Variants in TMEM163 observed in about 807,000 individuals in gnomAD.
TMEM163 encodes the protein transmembrane protein 163.
A neutral mutation model predicts 29.3 loss-of-function variants in TMEM163; 17 were observed. That is an observed-to-expected ratio of 0.58 (90% CI 0.40 to 0.87). TMEM163 has a LOEUF of 0.87. Ranked by LOEUF, TMEM163 falls within the 40% of genes least tolerant of loss-of-function variation. The pLI, the probability that TMEM163 is intolerant of heterozygous loss-of-function variation, is 0.00. For missense variants in TMEM163, 303 were observed against 381.5 expected, an observed-to-expected ratio of 0.79 and a Z score of 1.71; for synonymous variants, 157 against 160.6, an observed-to-expected ratio of 0.98 and a Z score of 0.17.
At chr2:134,702,735 CA>C (rs1684730652) in intron 2 of TMEM163, among the ~76,000 whole-genome samples, 2 of 151,896 alleles carry the variant, frequency 1.3e-5, no homozygotes, top group Admixed American at 1.3e-4. Context: ...TAAAGAAATA[CA>C]CTCAGACAAT....
rs187146235 is a variant in TMEM163 at position 134,703,335 on chromosome 2, G to A, written c.322+9865C>T. ...AGGTTTCTTCAGGAAGAAACCAATA[G>A]AATTACCTCTGCATCTGAAAATATC... On this transcript the variant is annotated intron_variant, in intron 2 of 7. Coordinates refer to ENST00000281924, the MANE Select transcript of TMEM163 (RefSeq NM_030923.5). 1.5e-3 allele frequency among the ~76,000 whole-genome samples: 234 copies of A among 152,232 alleles called. 4 individuals carry two copies. In the East Asian group the frequency reaches 0.037, roughly 24 times the overall value.
At chr2:134,583,830 T>C (rs1013426574) in intron 2 of TMEM163, among the ~76,000 whole-genome samples, 9 of 152,028 alleles carry the variant, frequency 5.9e-5, no homozygotes, top group Admixed American at 4.6e-4. Flanking sequence ...CCTCAATCCC[T>C]CCCATCTTTG....
chr2:134,672,827 T>G (rs1474000604), intron 2 of TMEM163, among the ~76,000 whole-genome samples: 2 of 152,040 alleles, frequency 1.3e-5, no homozygotes, highest in African/African-American at 4.8e-5. Context: ...ATCATCCAAG[T>G]TCCATCAATT....
chr2:134,689,276 G>T (rs1657440370), intron 2 of TMEM163, among the ~76,000 whole-genome samples: 1 of 151,654 alleles, frequency 6.6e-6, no homozygotes, highest in Non-Finnish European at 1.5e-5. Flanking sequence ...GCCTGGCTAA[G>T]TTTGTATTTT....
intron 2 of TMEM163, among the ~76,000 whole-genome samples, chr2:134,624,126 A>G (rs753522803): frequency 1.1e-4 from 17 of 152,240 alleles, no homozygotes; most frequent in Admixed American, 2.0e-4. Context: ...CCTCCCAGGC[A>G]TCACCAGCCC....
intron 6 of TMEM163, chr2:134,459,353 T>A (rs1686476880): frequency 8.5e-6 from 1 of 116,964 alleles, no homozygotes; most frequent in Non-Finnish European, 1.7e-5. Context: ...CTCTCCCCTG[T>A]GCTCAGGACA....
intron 2 of TMEM163, among the ~76,000 whole-genome samples, chr2:134,580,034 T>C (rs1681656007): frequency 6.6e-6 from 1 of 152,154 alleles, no homozygotes; most frequent in South Asian, 2.1e-4. Context: ...GAGTACTCAG[T>C]AAGATTTGAG....
At chr2:134,505,382 C>T (rs1476635464) in intron 4 of TMEM163, among the ~76,000 whole-genome samples, 4 of 151,822 alleles carry the variant, frequency 2.6e-5, no homozygotes, top group East Asian at 3.9e-4. Context: ...TGAGAATGTC[C>T]GGCCTAGAGT....
chr2:134,579,394 A>G (rs1013534495), intron 2 of TMEM163, among the ~76,000 whole-genome samples: 2 of 152,266 alleles, frequency 1.3e-5, no homozygotes, highest in Non-Finnish European at 2.9e-5. Flanking sequence ...TGTAAGTGAC[A>G]TAATGTTTTA....
chr2:134,700,788 A>G (rs888547627), intron 2 of TMEM163, among the ~76,000 whole-genome samples: 1 of 152,066 alleles, frequency 6.6e-6, no homozygotes, highest in East Asian at 1.9e-4. Context: ...AATCTCAGCT[A>G]CTTGGGAGGC....
At chr2:134,516,714 T>TATATATGC (rs749003813) in intron 4 of TMEM163, among the ~76,000 whole-genome samples, 23,445 of 111,562 alleles carry the variant, frequency 0.21, 1,562 homozygotes, top group South Asian at 0.45. Context: ...CATATATACA[T>TATATATGC]ATATATTCAT....
chr2:134,490,029 C>T (rs576262139), intron 5 of TMEM163, among the ~76,000 whole-genome samples: 1 of 152,354 alleles, frequency 6.6e-6, no homozygotes, highest in Non-Finnish European at 1.5e-5. Context: ...TGAGTTCCCA[C>T]CCCATGCCAG....
chr2:134,537,386 G>C (rs1332372878), intron 4 of TMEM163, among the ~76,000 whole-genome samples: 1 of 152,102 alleles, frequency 6.6e-6, no homozygotes, highest in African/African-American at 2.4e-5. Flanking sequence ...TTCTGGTGAG[G>C]GCCCTCCTCC....
At chr2:134,683,250 G>A (rs1684285121) in intron 2 of TMEM163, among the ~76,000 whole-genome samples, 1 of 152,068 alleles carries the variant, frequency 6.6e-6, no homozygotes, top group African/African-American at 2.4e-5. Context: ...TGGACTTTGG[G>A]TGATAATGAT....
intron 2 of TMEM163, among the ~76,000 whole-genome samples, chr2:134,557,413 C>G (rs920796260): frequency 6.6e-6 from 1 of 152,158 alleles, no homozygotes; most frequent in African/African-American, 2.4e-5. Flanking sequence ...TAAAGACATG[C>G]CCATGACACA....
chr2:134,627,675 G>A (rs540175912), intron 2 of TMEM163, among the ~76,000 whole-genome samples: 79 of 152,238 alleles, frequency 5.2e-4, no homozygotes, highest in African/African-American at 1.7e-3. Context: ...GTATGGATAC[G>A]CAACAGAGAC....
intron 2 of TMEM163, among the ~76,000 whole-genome samples, chr2:134,669,256 C>T (rs561329901): frequency 1.3e-5 from 2 of 152,354 alleles, no homozygotes; most frequent in South Asian, 2.1e-4. Flanking sequence ...TGGAGATTCC[C>T]TCCTACTTTG....
intron 2 of TMEM163, among the ~76,000 whole-genome samples, chr2:134,610,526 TG>T (rs1188128763): frequency 6.6e-6 from 1 of 152,214 alleles, no homozygotes; most frequent in African/African-American, 2.4e-5. Flanking sequence ...GCTGATGATC[TG>T]GGACCACACC....
intron 2 of TMEM163, among the ~76,000 whole-genome samples, chr2:134,611,985 A>G (rs1682513298): frequency 6.6e-6 from 1 of 152,246 alleles, no homozygotes; most frequent in Non-Finnish European, 1.5e-5. Context: ...CAACAGGGGA[A>G]GTGGAAGAAA....
Sources: allele counts gnomAD v4.1 joint callset (sites outside exome capture counted in the v4.1 genomes callset), GRCh38; gene constraint gnomAD v4.1.1; transcripts MANE v1.5; gene names NCBI Gene and HGNC (gene_info 2026-07-23, HGNC 2026-07-21).